RBFOX1: variants seen among roughly 807,000 people sequenced by gnomAD.
The protein encoded by RBFOX1 is RNA binding fox-1 homolog 1.
Under a neutral mutation model 57.7 loss-of-function variants are expected in RBFOX1, and 8 were observed. The ratio of observed to expected loss-of-function variants is 0.14; its 90% confidence interval spans 0.08 to 0.25. The LOEUF (loss-of-function observed/expected upper bound fraction) is 0.25. Ranked by LOEUF, RBFOX1 falls within the 10% of genes least tolerant of loss-of-function variation. RBFOX1 has a pLI of 1.00. For missense variants in RBFOX1, 611 were observed against 548.5 expected (o/e 1.11, Z -1.14); for synonymous variants, 326 against 222.4 (o/e 1.47, Z -4.15).
intron 4 of RBFOX1, among the ~76,000 whole-genome samples, chr16:7,479,460 G>T (rs1477963199): frequency 6.6e-6 from 1 of 152,258 alleles, no homozygotes; most frequent in Middle Eastern, 3.4e-3. Flanking sequence ...TACAATGCTT[G>T]CCCTTTTCTC....
At chr16:6,642,584 A>T (rs1281742917) in intron 2 of RBFOX1, among the ~76,000 whole-genome samples, 1 of 152,000 alleles carries the variant, frequency 6.6e-6, no homozygotes, top group Admixed American at 6.6e-5. Context: ...TTGTCCTCTC[A>T]TAACCACACT....
chr16:5,507,349 C>A (rs1057318937), intron 2 of RBFOX1, among the ~76,000 whole-genome samples: 4 of 151,994 alleles, frequency 2.6e-5, no homozygotes, highest in Non-Finnish European at 5.9e-5. Flanking sequence ...AAGCTCCATG[C>A]GAGGAGGGAT....
chr16:5,369,090 C>G (rs1324105505), intron 1 of RBFOX1, among the ~76,000 whole-genome samples: 2 of 152,132 alleles, frequency 1.3e-5, no homozygotes, highest in Non-Finnish European at 2.9e-5. Context: ...CAGCTTCTGT[C>G]CCCTGGGTTC....
intron 2 of RBFOX1, among the ~76,000 whole-genome samples, chr16:6,543,313 T>C (rs1599366913): frequency 6.6e-6 from 1 of 152,116 alleles, no homozygotes; most frequent in Admixed American, 6.5e-5. Flanking sequence ...CTTGAGACTC[T>C]TTACTGCTTG....
intron 4 of RBFOX1, among the ~76,000 whole-genome samples, chr16:7,347,070 G>T (rs2097024864): frequency 6.6e-6 from 1 of 152,176 alleles, no homozygotes; most frequent in Non-Finnish European, 1.5e-5. Context: ...AGAATTTATG[G>T]ACATATTTTG....
chr16:7,678,259 A>G (rs143412283), intron 14 of RBFOX1, among the ~76,000 whole-genome samples: 29 of 152,332 alleles, frequency 1.9e-4, no homozygotes, highest in East Asian at 1.4e-3. Context: ...GCCAAGATGC[A>G]AAATGTGTTT....
At chr16:6,725,712 C>G (rs78971598) in intron 3 of RBFOX1, among the ~76,000 whole-genome samples, 2,384 of 152,202 alleles carry the variant, frequency 0.016, 38 homozygotes, top group Middle Eastern at 0.031. Context: ...TTCTAAAACT[C>G]TATATTCAGG....
chr16:6,676,259 G>C (rs1414640905), intron 3 of RBFOX1, among the ~76,000 whole-genome samples: 1 of 152,006 alleles, frequency 6.6e-6, no homozygotes, highest in Non-Finnish European at 1.5e-5. Flanking sequence ...GGAGTTCGGA[G>C]GAAGGCCTTC....
At chr16:7,451,555 G>T (rs2098858136) in intron 4 of RBFOX1, among the ~76,000 whole-genome samples, 1 of 152,086 alleles carries the variant, frequency 6.6e-6, no homozygotes, top group South Asian at 2.1e-4. Context: ...TACACTCATT[G>T]CTCCCTCTGG....
chr16:7,399,033 G>T (rs935666045), intron 4 of RBFOX1, among the ~76,000 whole-genome samples: 1 of 152,226 alleles, frequency 6.6e-6, no homozygotes, highest in Non-Finnish European at 1.5e-5. Flanking sequence ...CAAGTGTTGA[G>T]TGACTGTTGG....
At chr16:6,273,604 C>A (rs1033113518) in intron 1 of RBFOX1, among the ~76,000 whole-genome samples, 1 of 151,964 alleles carries the variant, frequency 6.6e-6, no homozygotes, top group African/African-American at 2.4e-5. Flanking sequence ...CCTCGGCCCC[C>A]CAAAGTGCTG....
chr16:6,520,523 A>G (rs772897881), intron 2 of RBFOX1, among the ~76,000 whole-genome samples: 5 of 152,020 alleles, frequency 3.3e-5, no homozygotes, highest in African/African-American at 4.8e-5. Context: ...CGTAACTGCC[A>G]TATCAGTGGG....
intron 4 of RBFOX1, among the ~76,000 whole-genome samples, chr16:7,104,652 C>G (rs118152154): frequency 2.0e-5 from 3 of 152,094 alleles, no homozygotes; most frequent in East Asian, 1.9e-4. Flanking sequence ...CATCGGGACA[C>G]CAGAAAGACA....
At chr16:6,312,732 C>A (rs548714444) in intron 1 of RBFOX1, among the ~76,000 whole-genome samples, 13 of 151,080 alleles carry the variant, frequency 8.6e-5, no homozygotes, top group African/African-American at 1.7e-4. Flanking sequence ...TTCCTTCCTT[C>A]CTTACTTCTT....
intron 4 of RBFOX1, among the ~76,000 whole-genome samples, chr16:7,210,334 C>A (rs1316831996): frequency 1.3e-5 from 2 of 152,266 alleles, no homozygotes; most frequent in East Asian, 3.9e-4. Context: ...TGGGCAGGAG[C>A]TGACAGCGTG....
intron 1 of RBFOX1, among the ~76,000 whole-genome samples, chr16:5,345,621 A>G (rs527243982): frequency 1.3e-5 from 2 of 152,296 alleles, no homozygotes; most frequent in South Asian, 4.1e-4. Context: ...TTGAGTCTGC[A>G]TTTGGCCGTG....
At position 6,019,797 on chromosome 16, in the gene RBFOX1, C is replaced by G; in HGVS notation, c.-322C>G. Reference sequence around the variant, plus strand: ...CGCCAGGGTCCCCGCCTGTCCGGACCCTCGCCGCGCCCAGGCAGGCGCGCC... The same window carrying G: ...CGCCAGGGTCCCCGCCTGTCCGGACGCTCGCCGCGCCCAGGCAGGCGCGCC... On this transcript the variant is annotated 5_prime_UTR_variant, in exon 1 of 16. Coordinates refer to ENST00000550418, the MANE Select transcript of RBFOX1 (RefSeq NM_018723.4). This position sits in a 1 kb window ranked among gnomAD's most constrained non-coding sequence, Gnocchi z 4.2. 1 of 1,481,164 alleles carries G rather than the reference C, an allele frequency of 6.8e-7. No homozygotes were observed. The highest frequency in any genetic ancestry group is 9.0e-7 in the Non-Finnish European group (1 of 1,114,002). The allele number at this position is 1,481,164 out of a possible 1,614,324, so 91.8% of individuals were successfully genotyped here. A position where few individuals can be genotyped will look rare whatever the true frequency, so the allele number is the denominator to read the frequency against.
intron 1 of RBFOX1, among the ~76,000 whole-genome samples, chr16:5,264,568 T>C (rs2062813156): frequency 6.6e-6 from 1 of 152,244 alleles, no homozygotes; most frequent in Admixed American, 6.5e-5. Context: ...GTATATATTC[T>C]ATTGTATTAA....
intron 1 of RBFOX1, among the ~76,000 whole-genome samples, chr16:6,222,446 G>A (rs141360682): frequency 6.6e-6 from 1 of 151,742 alleles, no homozygotes; most frequent in Non-Finnish European, 1.5e-5. Flanking sequence ...GAGCATAGAA[G>A]TGATAACTGG....
Sources: gnomAD v4.1 joint callset for allele counts (sites outside exome capture counted in the v4.1 genomes callset) on GRCh38, gnomAD v4.1.1 for gene constraint, Gnocchi (gnomAD v3.1) non-coding constraint, MANE v1.5 for transcripts, NCBI Gene and HGNC (gene_info 2026-07-23, HGNC 2026-07-21) for gene names.